Variants in C3orf22 observed in about 807,000 individuals in gnomAD.
The protein encoded by C3orf22 is chromosome 3 open reading frame 22.
Under a neutral mutation model 10.8 loss-of-function variants are expected in C3orf22, and 7 were observed. That is an observed-to-expected ratio of 0.65 (90% CI 0.37 to 1.22). The LOEUF is 1.22. Ranked by LOEUF, C3orf22 falls within the 50% of genes most tolerant of loss-of-function variation. The pLI is 0.02. For synonymous variants in C3orf22, 79 were observed against 78.9 expected (o/e 1.00, Z 0.00); for missense variants, 173 against 177.0 (o/e 0.98, Z 0.13).
At chr3:126,533,773 T>G (rs1189468562) in intron 4 of C3orf22, among the ~76,000 whole-genome samples, 2 of 152,234 alleles carry the variant, frequency 1.3e-5, no homozygotes, top group African/African-American at 4.8e-5. Context: ...CTTCTGTTTT[T>G]TGAAAGAGTT....
intron 4 of C3orf22, chr3:126,543,262 T>G (rs1339874279): frequency 6.6e-6 from 1 of 152,280 alleles, no homozygotes; most frequent in Non-Finnish European, 1.5e-5. Context: ...GGTCATGGTT[T>G]TGAAATAAAT....
chr3:126,539,790 A>T, intron 4 of C3orf22, among the ~76,000 whole-genome samples: 1 of 26,278 alleles, frequency 3.8e-5, no homozygotes, highest in African/African-American at 1.3e-4. Context: ...CACACCACAC[A>T]CCACAGACAC....
downstream of C3orf22, among the ~76,000 whole-genome samples, chr3:126,548,697 C>T (rs1433613061): frequency 2.0e-5 from 3 of 152,162 alleles, no homozygotes; most frequent in African/African-American, 7.2e-5. Flanking sequence ...TTGGCTGGGG[C>T]GGCACAGTGC....
downstream of C3orf22, among the ~76,000 whole-genome samples, chr3:126,547,347 C>T (rs974227850): frequency 1.3e-5 from 2 of 152,206 alleles, no homozygotes; most frequent in Non-Finnish European, 2.9e-5. Flanking sequence ...GGCTTCCATG[C>T]GGTGCAGCTT....
intron 4 of C3orf22, among the ~76,000 whole-genome samples, chr3:126,538,758 C>T (rs1352451664): frequency 6.6e-6 from 1 of 152,178 alleles, no homozygotes; most frequent in Non-Finnish European, 1.5e-5. Context: ...TGTCCCCATA[C>T]CCCCATGGCA....
chr3:126,549,256 C>T (rs76739066), downstream of C3orf22, among the ~76,000 whole-genome samples: 1 of 120,070 alleles, frequency 8.3e-6, no homozygotes, highest in Non-Finnish European at 1.8e-5. Flanking sequence ...TCCACGCCCC[C>T]CCCCCCACAC....
At chr3:126,537,344 C>T (rs568671502) in intron 4 of C3orf22, among the ~76,000 whole-genome samples, 4 of 152,318 alleles carry the variant, frequency 2.6e-5, no homozygotes, top group South Asian at 2.1e-4. Context: ...GTGGGCAGCA[C>T]GCAGGCCCTG....
At chr3:126,558,013 T>G (rs367776431) in intron 1 of C3orf22, among the ~76,000 whole-genome samples, 1 of 1,074 alleles carries the variant, frequency 9.3e-4, no homozygotes, top group Admixed American at 0.011. Context: ...TCAGGTGCAC[T>G]TGGGTGAGTC....
intron 3 of C3orf22, 21 bp downstream of exon 3, chr3:126,551,976 G>A: frequency 6.4e-7 from 1 of 1,574,590 alleles, no homozygotes; most frequent in Non-Finnish European, 8.6e-7. Context: ...TGGGGGTGGT[G>A]GCATCAGGGC....
chr3:126,536,400 C>A (rs1576231506), intron 4 of C3orf22: 3 of 1,481,782 alleles, frequency 2.0e-6, no homozygotes. Context: ...TCCATCCCAG[C>A]CAGGAGCCTG....
At chr3:126,556,779 ACT>A (rs1444658109) in intron 1 of C3orf22, among the ~76,000 whole-genome samples, 10 of 97,970 alleles carry the variant, frequency 1.0e-4, no homozygotes, top group East Asian at 3.9e-4. Flanking sequence ...AGACTCACAC[ACT>A]CAGACTCACA....
At chr3:126,550,815 C>T (rs1265199013) in intron 3 of C3orf22, among the ~76,000 whole-genome samples, 1 of 152,254 alleles carries the variant, frequency 6.6e-6, no homozygotes, top group Non-Finnish European at 1.5e-5. Flanking sequence ...TGGCTCAGCC[C>T]ACTGCCCCCT....
At chr3:126,553,514 G>A (rs574722601) in intron 1 of C3orf22, 84 bp from the exon 2 acceptor site, 3 of 874,682 alleles carry the variant, frequency 3.4e-6, no homozygotes, top group Non-Finnish European at 5.5e-6. Flanking sequence ...AGGGCTGGGG[G>A]TGCCTGCGGG....
chr3:126,539,863 C>T, intron 4 of C3orf22, among the ~76,000 whole-genome samples: 1 of 8,464 alleles, frequency 1.2e-4, no homozygotes, highest in East Asian at 3.6e-3. Context: ...ACACACACCC[C>T]ACACCACACA....
At chr3:126,551,870 T>C in intron 3 of C3orf22, 127 bp downstream of exon 3, 1 of 1,055,610 alleles carries the variant, frequency 9.5e-7, no homozygotes. Flanking sequence ...CTGCCTCAGT[T>C]TCCTCAGCTT....
chr3:126,551,241 C>T (rs916513051), intron 3 of C3orf22, among the ~76,000 whole-genome samples: 5 of 145,996 alleles, frequency 3.4e-5, no homozygotes, highest in African/African-American at 1.3e-4. Context: ...GAAAAGTCAA[C>T]ACAGACCCCC....
intron 4 of C3orf22, among the ~76,000 whole-genome samples, chr3:126,538,703 A>T (rs1212555390): frequency 2.0e-5 from 3 of 152,140 alleles, no homozygotes; most frequent in Non-Finnish European, 4.4e-5. Flanking sequence ...ATGTGGAGCT[A>T]GGCTTCTAAG....
chr3:126,556,561 G>A lies in C3orf22; in HGVS notation c.-41+2066C>T, dbSNP rs1202003698. ...TACACACTCATGCCCAGCAACCGCT[G>A]CAAACGCCCCAGCCTCAGAGGACCC... On this transcript the variant is annotated intron_variant, in intron 1 of 3. Coordinates refer to ENST00000318225, the MANE Select transcript of C3orf22 (RefSeq NM_152533.3). Among the ~76,000 whole-genome samples, 9 of 152,034 alleles carry A rather than the reference G, an allele frequency of 5.9e-5. No homozygotes were observed. In the East Asian group the frequency reaches 1.7e-3, roughly 29 times the overall value.
At position 126,554,262 on chromosome 3, in the gene C3orf22, G is replaced by T. The variant is rs73195836; in HGVS notation, c.-40-832C>A. 2.4e-3 allele frequency among the ~76,000 whole-genome samples: 194 copies of T among 80,926 alleles called. 21 individuals carry two copies. The highest frequency in any genetic ancestry group is 3.7e-3 in the East Asian group (8 of 2,146). 53.1% of individuals were successfully genotyped at this position (80,926 alleles called of 152,430 possible). A position where few individuals can be genotyped will look rare whatever the true frequency, so the allele number is the denominator to read the frequency against. On this transcript the variant is annotated intron_variant, in intron 1 of 3. Transcript: ENST00000318225. ...TTTTTGTTTGTTTTGTTTTTCTGTT[G>T]TTTTTTTTTTTTTTTTTTTGAGACG...
Sources: allele counts gnomAD v4.1 joint callset (sites outside exome capture counted in the v4.1 genomes callset), GRCh38; gene constraint gnomAD v4.1.1; transcripts MANE v1.5; gene names NCBI Gene and HGNC (gene_info 2026-07-23, HGNC 2026-07-21).